FSTL5: variants seen among roughly 807,000 people sequenced by gnomAD.
The protein encoded by FSTL5 is follistatin like 5, also known as follistatin-related protein 5.
A neutral mutation model predicts 89.1 loss-of-function variants in FSTL5; 62 were observed. The ratio of observed to expected loss-of-function variants is 0.70; its 90% CI spans 0.57 to 0.86. The LOEUF is 0.86. Among genes scored for constraint, FSTL5 ranks in the 40% least tolerant of loss-of-function variants. The pLI is 0.00. For missense variants in FSTL5, 1,057 were observed against 1,001.6 expected (o/e 1.06, Z -0.75); for synonymous variants, 383 against 346.2 (o/e 1.11, Z -1.18).
At chr4:161,793,661 T>C (rs1482869671) in intron 4 of FSTL5, among the ~76,000 whole-genome samples, 1 of 151,526 alleles carries the variant, frequency 6.6e-6, no homozygotes, top group Non-Finnish European at 1.5e-5. Context: ...CATGCTAGAG[T>C]GCAGTGGTGC....
At chr4:161,662,520 T>G (rs1004068146) in intron 6 of FSTL5, among the ~76,000 whole-genome samples, 1 of 152,094 alleles carries the variant, frequency 6.6e-6, no homozygotes. Flanking sequence ...ATTAAATGTA[T>G]GTACTTAAGG....
At chr4:161,464,766 A>C (rs1055313045) in intron 13 of FSTL5, among the ~76,000 whole-genome samples, 1 of 152,122 alleles carries the variant, frequency 6.6e-6, no homozygotes, top group Admixed American at 6.5e-5. Context: ...AATTATTATT[A>C]TTAAGATCAT....
chr4:162,066,299 T>TTTCTTCTTCTTCTTCTTC (rs1222795843), intron 2 of FSTL5, among the ~76,000 whole-genome samples: 6 of 70,116 alleles, frequency 8.6e-5, no homozygotes, highest in East Asian at 2.9e-4. Context: ...TCCTCCTACT[T>TTTCTTCTTCTTCTTCTTC]TTCTTCTTCT....
chr4:161,561,646 C>CA (rs201178951), intron 8 of FSTL5, among the ~76,000 whole-genome samples: 129 of 146,592 alleles, frequency 8.8e-4, no homozygotes, highest in South Asian at 1.7e-3. Context: ...AATAACAAGG[C>CA]AAAAAAAAAG....
At position 161,385,702 on chromosome 4, in the gene FSTL5, A is replaced by G; in HGVS notation, c.*45T>C. 7.8e-7 allele frequency: 1 copy of G among 1,283,902 alleles called. No homozygotes were observed. The highest frequency in any genetic ancestry group is 2.3e-5 in the East Asian group (1 of 43,040). 79.5% of individuals were successfully genotyped at this position (1,283,902 alleles called of 1,614,324 possible). Reference sequence around the variant, plus strand: ...TAAATTTAAACAATGGATTAAGTGCAATGTATTGTAAAACGCTTCATTCAA... The same window carrying G: ...TAAATTTAAACAATGGATTAAGTGCGATGTATTGTAAAACGCTTCATTCAA... On this transcript the variant is annotated 3_prime_UTR_variant, in exon 16 of 16. Transcript: ENST00000306100.
intron 10 of FSTL5, 32 bp from the exon 11 acceptor site, chr4:161,510,456 GAA>G (rs781394124): frequency 7.3e-7 from 1 of 1,365,156 alleles, no homozygotes; most frequent in South Asian, 1.4e-5. Flanking sequence ...AGAAGAAAAA[GAA>G]AAATGAGTAA....
At chr4:161,952,206 C>T (rs1242978932) in intron 3 of FSTL5, among the ~76,000 whole-genome samples, 1 of 152,010 alleles carries the variant, frequency 6.6e-6, no homozygotes, top group Non-Finnish European at 1.5e-5. Flanking sequence ...CTATCAGCTG[C>T]TCTCTTCTCT....
At chr4:162,125,762 A>C (rs760473087) in intron 1 of FSTL5, among the ~76,000 whole-genome samples, 2 of 152,064 alleles carry the variant, frequency 1.3e-5, no homozygotes, top group African/African-American at 2.4e-5. Flanking sequence ...AGCAGTGTAT[A>C]AAGTTGTTTT....
At chr4:162,159,373 A>C (rs893663861) in intron 1 of FSTL5, among the ~76,000 whole-genome samples, 1 of 152,056 alleles carries the variant, frequency 6.6e-6, no homozygotes, top group Non-Finnish European at 1.5e-5. Context: ...GTATTTTTAA[A>C]TCTTTTGCTT....
At chr4:162,156,382 C>T (rs925704084) in intron 1 of FSTL5, among the ~76,000 whole-genome samples, 1 of 152,116 alleles carries the variant, frequency 6.6e-6, no homozygotes, top group Admixed American at 6.6e-5. Context: ...CCCAATAATG[C>T]GATTACTGGG....
intron 4 of FSTL5, among the ~76,000 whole-genome samples, chr4:161,845,089 T>G (rs765164824): frequency 5.9e-5 from 9 of 152,196 alleles, no homozygotes; most frequent in Non-Finnish European, 1.2e-4. Flanking sequence ...ATTCTATGAA[T>G]TCCACTATGC....
chr4:161,699,799 G>C (rs1738313697), intron 6 of FSTL5, among the ~76,000 whole-genome samples: 1 of 152,096 alleles, frequency 6.6e-6, no homozygotes, highest in South Asian at 2.1e-4. Context: ...TGATGCCAGA[G>C]TTGATGGGGG....
At chr4:162,005,210 C>T (rs1736582905) in intron 3 of FSTL5, among the ~76,000 whole-genome samples, 1 of 152,056 alleles carries the variant, frequency 6.6e-6, no homozygotes, top group Non-Finnish European at 1.5e-5. Context: ...GCTCTGTTTC[C>T]TGTAGGCAAT....
At chr4:161,447,881 T>C (rs1394563134) in intron 15 of FSTL5, among the ~76,000 whole-genome samples, 1 of 152,166 alleles carries the variant, frequency 6.6e-6, no homozygotes, top group Non-Finnish European at 1.5e-5. Context: ...AGTATACGTA[T>C]ATACTTTGTT....
At chr4:161,933,559 TTGAGAGA>T (rs1734350081) in intron 3 of FSTL5, among the ~76,000 whole-genome samples, 1 of 151,492 alleles carries the variant, frequency 6.6e-6, no homozygotes, top group Non-Finnish European at 1.5e-5. Context: ...AACATCTATT[TTGAGAGA>T]AAAAAAAGCT....
chr4:162,115,251 T>C (rs972934076), intron 1 of FSTL5, among the ~76,000 whole-genome samples: 2 of 152,218 alleles, frequency 1.3e-5, no homozygotes, highest in Non-Finnish European at 2.9e-5. Flanking sequence ...TATCAAACAG[T>C]AACCTAAATT....
Position 161,555,708 on chromosome 4 carries a change from C to T in FSTL5, c.1016-13015G>A, listed in dbSNP as rs911364372. 5.3e-5 allele frequency among the ~76,000 whole-genome samples: 8 copies of T among 151,544 alleles called. No homozygotes were observed. The South Asian group carries it at 1.0e-3, about 20-fold the overall frequency. On this transcript the variant is annotated intron_variant, in intron 8 of 15. Coordinates refer to ENST00000306100, the MANE Select transcript of FSTL5 (RefSeq NM_020116.5). ...GAAACTCTTCTGAGGATTAAATGGA[C>T]TAAAGGAAACACTCTCTGGTAAATT...
At chr4:161,895,336 T>A (rs1733121368) in intron 4 of FSTL5, among the ~76,000 whole-genome samples, 1 of 152,186 alleles carries the variant, frequency 6.6e-6, no homozygotes, top group Admixed American at 6.6e-5. Flanking sequence ...AATGCAAATG[T>A]CCTTTTTTTA....
chr4:161,939,855 T>C (rs1222473440), intron 3 of FSTL5, among the ~76,000 whole-genome samples: 5 of 151,758 alleles, frequency 3.3e-5, no homozygotes, highest in Non-Finnish European at 4.4e-5. Flanking sequence ...CACCAAAAAG[T>C]CAAGCATAAA....
Sources: allele counts gnomAD v4.1 joint callset (sites outside exome capture counted in the v4.1 genomes callset), GRCh38; gene constraint gnomAD v4.1.1; transcripts MANE v1.5; gene names NCBI Gene and HGNC (gene_info 2026-07-23, HGNC 2026-07-21).